ME3: variants seen among roughly 807,000 people sequenced by gnomAD.
ME3 encodes the protein NADP-dependent malic enzyme, mitochondrial.
A neutral mutation model predicts 68.9 loss-of-function variants in ME3; 48 were observed. The observed-to-expected ratio is 0.70, with a 90% confidence interval of 0.55 to 0.89. ME3 has a LOEUF of 0.89. Ranked by LOEUF, ME3 falls within the 40% of genes least tolerant of loss-of-function variation. The pLI, the probability that ME3 is intolerant of heterozygous loss-of-function variation, is 0.00. For missense variants in ME3, 675 were observed against 797.4 expected, an observed-to-expected ratio of 0.85 and a Z score of 1.85; for synonymous variants, 320 against 318.8, an observed-to-expected ratio of 1.00 and a Z score of -0.04.
chr11:86,647,097 G>A (rs535861386), intron 2 of ME3, among the ~76,000 whole-genome samples: 13 of 152,230 alleles, frequency 8.5e-5, no homozygotes, highest in South Asian at 2.1e-4. Flanking sequence ...CTGCAAAAAC[G>A]TATCAAAAAG....
chr11:86,669,044 A>T (rs1946750018), intron 2 of ME3, among the ~76,000 whole-genome samples: 1 of 152,122 alleles, frequency 6.6e-6, no homozygotes, highest in African/African-American at 2.4e-5. Context: ...CTATCTTCCC[A>T]CCTGGCTGAT....
chr11:86,532,484 C>T (rs1443776779), intron 4 of ME3, among the ~76,000 whole-genome samples: 1 of 152,132 alleles, frequency 6.6e-6, no homozygotes, highest in Admixed American at 6.6e-5. Context: ...CAGGTCTTAA[C>T]AAATTTAAGG....
chr11:86,550,612 C>T (rs1162119220), intron 4 of ME3, among the ~76,000 whole-genome samples: 16 of 152,188 alleles, frequency 1.1e-4, no homozygotes, highest in Admixed American at 1.0e-3. Context: ...GTCAAGCAGT[C>T]TTGGCCAAAG....
intron 2 of ME3, among the ~76,000 whole-genome samples, chr11:86,602,266 C>G (rs1960820749): frequency 6.8e-6 from 1 of 148,088 alleles, no homozygotes; most frequent in Non-Finnish European, 1.5e-5. Context: ...TCTCAGGATA[C>G]AAAATCAATG....
chr11:86,563,219 G>A (rs1338114424), intron 2 of ME3, among the ~76,000 whole-genome samples: 2 of 152,042 alleles, frequency 1.3e-5, no homozygotes, highest in African/African-American at 4.8e-5. Flanking sequence ...TGGTAGCTCT[G>A]TTTTAACTTT....
chr11:86,546,066 AG>A (rs1234701432), intron 4 of ME3, among the ~76,000 whole-genome samples: 4 of 152,246 alleles, frequency 2.6e-5, no homozygotes, highest in Non-Finnish European at 4.4e-5. Flanking sequence ...CAATGGGGAA[AG>A]GATTCCCTAT....
intron 4 of ME3, among the ~76,000 whole-genome samples, chr11:86,525,248 T>TA (rs1594292584): frequency 6.6e-6 from 1 of 152,104 alleles, no homozygotes; most frequent in African/African-American, 2.4e-5. Context: ...AAAGATAATA[T>TA]ATGAAAAGTA....
chr11:86,514,547 G>A (rs1197894290), intron 4 of ME3, among the ~76,000 whole-genome samples: 2 of 152,228 alleles, frequency 1.3e-5, no homozygotes, highest in African/African-American at 2.4e-5. Flanking sequence ...AACAACTCAA[G>A]TGATGGTTCA....
Position 86,628,983 on chromosome 11 carries a change from C to T in ME3, c.183+42779G>A, listed in dbSNP as rs576057084. On this transcript the variant is annotated intron_variant, in intron 2 of 14. Coordinates refer to ENST00000543262, the Ensembl canonical transcript of ME3. ...ATTCTCCCAAAGCATAGAACCAGTC[C>T]GCTCTTCTTCCTCACAGTCTTGCAT... Among the ~76,000 whole-genome samples, 4 of 152,182 alleles carry T rather than the reference C, an allele frequency of 2.6e-5. No individual in the cohort carries two copies. The East Asian group carries it at 5.8e-4, about 22-fold the overall frequency.
chr11:86,442,766 C>T (rs1306962937), intron 14 of ME3, 55 bp downstream of exon 14: 1 of 1,439,774 alleles, frequency 6.9e-7, no homozygotes, highest in Non-Finnish European at 9.7e-7. Context: ...AAGTCACAGA[C>T]AGAGAAAGTG....
chr11:86,585,669 G>A (rs1958690130), intron 2 of ME3, among the ~76,000 whole-genome samples: 1 of 152,186 alleles, frequency 6.6e-6, no homozygotes, highest in Non-Finnish European at 1.5e-5. Context: ...ATAAGTCTGG[G>A]TCTTAGAGGG....
intron 2 of ME3, among the ~76,000 whole-genome samples, chr11:86,569,278 C>G (rs1466238614): frequency 2.6e-5 from 4 of 152,206 alleles, no homozygotes; most frequent in African/African-American, 9.7e-5. Flanking sequence ...TCCATGGGCT[C>G]AGGCACCACG....
intron 2 of ME3, among the ~76,000 whole-genome samples, chr11:86,648,468 C>A (rs2135417780): frequency 6.7e-6 from 1 of 150,182 alleles, no homozygotes; most frequent in Admixed American, 6.7e-5. Context: ...CAAGAAATAA[C>A]TAAGATAAGA....
At chr11:86,502,014 C>G (rs1294260227) in intron 5 of ME3, among the ~76,000 whole-genome samples, 1 of 152,150 alleles carries the variant, frequency 6.6e-6, no homozygotes, top group Non-Finnish European at 1.5e-5. Flanking sequence ...TAAAATAAAA[C>G]CCAAACATCT....
chr11:86,574,713 A>G (rs1302055398), intron 2 of ME3, among the ~76,000 whole-genome samples: 5 of 152,202 alleles, frequency 3.3e-5, no homozygotes, highest in Non-Finnish European at 7.3e-5. Flanking sequence ...CATTCCAGAC[A>G]ACTGCTAGGC....
At chr11:86,537,544 C>T (rs2139320805) in intron 4 of ME3, among the ~76,000 whole-genome samples, 1 of 152,206 alleles carries the variant, frequency 6.6e-6, no homozygotes, top group African/African-American at 2.4e-5. Flanking sequence ...TTGATTTGAG[C>T]TGATTAATTT....
chr11:86,457,172 T>A (rs910167279), intron 8 of ME3, among the ~76,000 whole-genome samples: 2 of 152,220 alleles, frequency 1.3e-5, no homozygotes, highest in South Asian at 4.1e-4. Flanking sequence ...CTCTACTGGA[T>A]CATTCTCATC....
chr11:86,459,714 C>T (rs966757683), intron 8 of ME3, among the ~76,000 whole-genome samples: 1 of 152,122 alleles, frequency 6.6e-6, no homozygotes, highest in Non-Finnish European at 1.5e-5. Context: ...AGCCACAAAG[C>T]AGGAAAATGG....
At chr11:86,556,646 A>G (rs1482676764) in exon 4 of ME3, 1 of 1,614,016 alleles carries the variant, frequency 6.2e-7, no homozygotes, top group Non-Finnish European at 8.5e-7. Context: ...GTCCGAAGTC[A>G]GCACTCGGTA....
Sources: allele counts gnomAD v4.1 joint callset (sites outside exome capture counted in the v4.1 genomes callset), GRCh38; gene constraint gnomAD v4.1.1; transcripts MANE v1.5; gene names NCBI Gene and HGNC (gene_info 2026-07-23, HGNC 2026-07-21).